The following BPTF variants were observed in gnomAD, a reference collection of about 807,000 sequenced individuals.
The protein encoded by BPTF is bromodomain PHD finger transcription factor, also known as nucleosome-remodeling factor subunit BPTF.
In BPTF, 18 loss-of-function variants were observed where a neutral mutation model predicts 292.5. That is an observed-to-expected ratio of 0.06 (90% CI 0.04 to 0.09). The LOEUF (loss-of-function observed/expected upper bound fraction) is 0.09. Among genes scored for constraint, BPTF ranks in the 10% least tolerant of loss-of-function variants. The pLI is 1.00. For missense variants in BPTF, 2,726 were observed against 3,498.7 expected (o/e 0.78, Z 5.57); for synonymous variants, 1,225 against 1,251.9 (o/e 0.98, Z 0.45).
At chr17:67,875,989 G>T (rs2060026184) in intron 4 of BPTF, among the ~76,000 whole-genome samples, 1 of 152,088 alleles carries the variant, frequency 6.6e-6, no homozygotes, top group Non-Finnish European at 1.5e-5. Context: ...TTGTTTAATA[G>T]ATTTATTTTT....
At chr17:67,930,255 A>G (rs995074916) in intron 17 of BPTF, among the ~76,000 whole-genome samples, 4 of 152,060 alleles carry the variant, frequency 2.6e-5, no homozygotes, top group African/African-American at 7.2e-5. Context: ...CTGGAATGCA[A>G]TGGCATGATC....
At chr17:67,903,131 A>T (rs1401305005) in intron 7 of BPTF, among the ~76,000 whole-genome samples, 1 of 152,242 alleles carries the variant, frequency 6.6e-6, no homozygotes, top group Non-Finnish European at 1.5e-5. Context: ...TTCTCGAAAG[A>T]TGGGGCCCCA....
In BPTF at chr17:67,940,617, G is replaced by A. The variant is rs200111592; in HGVS notation, c.6438G>A (p.Lys2146=). The change falls in exon 19 of 28, where the codon AAG becomes AAA. Residue 2146 remains lysine (K), a synonymous_variant. Transcript: ENST00000306378. ...QPPRPQQGQV[K]LTMAQLTQLT... is the part of the protein sequence containing the mutation. ...CTCGCCCCCAACAAGGACAAGTGAA[G>A]CTCACCATGGCTCAACTTACTCAGT... The A allele has an allele frequency of 2.5e-6, 4 of 1,614,154 alleles. No homozygotes were observed. In the East Asian group the frequency reaches 8.9e-5, roughly 36 times the overall value.
chr17:67,899,439 C>T (rs1425228962), intron 7 of BPTF, among the ~76,000 whole-genome samples: 1 of 152,102 alleles, frequency 6.6e-6, no homozygotes, highest in Non-Finnish European at 1.5e-5. Context: ...AGACTGTGAC[C>T]CAGAGACAAG....
intron 26 of BPTF, among the ~76,000 whole-genome samples, chr17:67,973,168 A>C (rs2068985972): frequency 6.7e-6 from 1 of 149,400 alleles, no homozygotes; most frequent in Non-Finnish European, 1.5e-5. Flanking sequence ...AGGTCAGGAG[A>C]TTGAGACCAT....
rs549712693 is a variant in BPTF, at chr17:67,982,948, T to C, written c.*660T>C. The C allele has an allele frequency of 6.6e-6, 1 of 152,456 alleles. No individual in the cohort carries two copies. The highest frequency in any genetic ancestry group is 1.5e-5 in the Non-Finnish European group (1 of 68,072). The allele number at this position is 152,456 out of a possible 1,614,324, so 9.4% of individuals were successfully genotyped here. ...AATTAAGCTTGCATAAAGGTTGGGC[T>C]AAGTGGTCCTGGACTACAGACTCTG... is the stretch of plus-strand genomic sequence containing the variant. On this transcript the variant is annotated 3_prime_UTR_variant, in exon 28 of 28. Transcript: ENST00000306378.
At chr17:67,870,001 CAAAAAA>C (rs59327152) in intron 3 of BPTF, among the ~76,000 whole-genome samples, 2 of 59,190 alleles carry the variant, frequency 3.4e-5, no homozygotes, top group African/African-American at 1.2e-4. Context: ...GACTCCGTCT[CAAAAAA>C]AAAAAAAAAA....
intron 4 of BPTF, among the ~76,000 whole-genome samples, chr17:67,877,663 G>C (rs1449409583): frequency 6.6e-6 from 1 of 152,044 alleles, no homozygotes; most frequent in African/African-American, 2.4e-5. Context: ...CTTTCACCCA[G>C]GCTGGAGTAC....
At chr17:67,945,038 CTTTA>C (rs1183404939) in intron 20 of BPTF, among the ~76,000 whole-genome samples, 4 of 151,984 alleles carry the variant, frequency 2.6e-5, no homozygotes, top group East Asian at 1.9e-4. Flanking sequence ...ACTTTATTTA[CTTTA>C]TTTATTTTTT....
chr17:67,857,328 T>G (rs1380894974), intron 2 of BPTF, among the ~76,000 whole-genome samples: 7 of 151,218 alleles, frequency 4.6e-5, no homozygotes, highest in Non-Finnish European at 1.0e-4. Flanking sequence ...GCCCGGTTAA[T>G]TTTTTGTATT....
chr17:67,980,234 A>G (rs2070175875), intron 27 of BPTF, among the ~76,000 whole-genome samples: 1 of 152,056 alleles, frequency 6.6e-6, no homozygotes, highest in Admixed American at 6.6e-5. Context: ...AATCCCAGCT[A>G]CTGGGGAGGC....
At chr17:67,880,129 G>C (rs988378647) in intron 4 of BPTF, among the ~76,000 whole-genome samples, 1 of 151,014 alleles carries the variant, frequency 6.6e-6, no homozygotes, top group South Asian at 2.1e-4. Context: ...ATATATATAG[G>C]GTCTATACTC....
chr17:67,934,870 CAAA>C (rs569120237), intron 18 of BPTF, among the ~76,000 whole-genome samples: 3 of 91,006 alleles, frequency 3.3e-5, no homozygotes, highest in South Asian at 3.9e-4. Context: ...AACTCTGTCT[CAAA>C]AAAAAAAAAA....
At chr17:67,924,975 C>T (rs1178106772) in intron 15 of BPTF, among the ~76,000 whole-genome samples, 2 of 151,600 alleles carry the variant, frequency 1.3e-5, no homozygotes, top group African/African-American at 4.8e-5. Flanking sequence ...TCTTAAACTC[C>T]TGGACTCAAG....
At chr17:67,888,589 C>CAAAAAAA (rs776548348) in intron 4 of BPTF, among the ~76,000 whole-genome samples, 4 of 63,562 alleles carry the variant, frequency 6.3e-5, no homozygotes, top group Admixed American at 1.8e-4. Flanking sequence ...GACTCCGTCT[C>CAAAAAAA]AAAAAAAAAA....
intron 20 of BPTF, among the ~76,000 whole-genome samples, 200 bp from the exon 21 acceptor site, chr17:67,945,209 A>AT (rs1159652947): frequency 3.3e-5 from 5 of 151,342 alleles, no homozygotes; most frequent in African/African-American, 7.3e-5. Flanking sequence ...ATAATTTTTT[A>AT]TTTTTTTTGT....
intron 1 of BPTF, among the ~76,000 whole-genome samples, chr17:67,827,971 G>A (rs1297088028): frequency 7.1e-6 from 1 of 140,308 alleles, no homozygotes; most frequent in Non-Finnish European, 1.5e-5. Flanking sequence ...TTGCTCTGTC[G>A]TCTGGGCTGG....
chr17:67,918,363 A>C (rs981852977), intron 11 of BPTF, among the ~76,000 whole-genome samples: 1 of 152,246 alleles, frequency 6.6e-6, no homozygotes, highest in South Asian at 2.1e-4. Context: ...TTTGGTCCCC[A>C]AAATTTTCCT....
At chr17:67,967,015 G>A (rs529387843) in intron 26 of BPTF, among the ~76,000 whole-genome samples, 3 of 151,732 alleles carry the variant, frequency 2.0e-5, no homozygotes, top group South Asian at 2.1e-4. Context: ...CAGGAGAATC[G>A]CTTGAACCAG....
Sources: gnomAD v4.1 joint callset for allele counts (sites outside exome capture counted in the v4.1 genomes callset) on GRCh38, gnomAD v4.1.1 for gene constraint, MANE v1.5 for transcripts, NCBI Gene and HGNC (gene_info 2026-07-23, HGNC 2026-07-21) for gene names.